ZNF536: variants seen among roughly 807,000 people sequenced by gnomAD.
ZNF536 encodes zinc finger protein 536.
A neutral mutation model predicts 84.5 loss-of-function variants in ZNF536; 13 were observed. The ratio of observed to expected loss-of-function variants is 0.15; its 90% confidence interval spans 0.10 to 0.24. ZNF536 has a LOEUF of 0.24. ZNF536 is among the 10% of genes least tolerant of loss of function. The probability of loss-of-function intolerance (pLI) is 1.00; values close to 1 mark genes in which losing one functional copy is unlikely to be tolerated. For missense variants in ZNF536, 1,536 were observed against 1,747.5 expected (o/e 0.88, Z 2.16); for synonymous variants, 811 against 742.5 (o/e 1.09, Z -1.50).
At chr19:30,263,693 A>C (rs760856851) in intron 1 of ZNF536, among the ~76,000 whole-genome samples, 10 of 152,186 alleles carry the variant, frequency 6.6e-5, no homozygotes, top group Non-Finnish European at 1.2e-4. Flanking sequence ...CTGTTGCAAG[A>C]AGAAGTTAAG....
intron 1 of ZNF536, among the ~76,000 whole-genome samples, chr19:30,229,353 A>G (rs1185791133): frequency 3.9e-5 from 6 of 152,158 alleles, no homozygotes; most frequent in Admixed American, 1.3e-4. Context: ...CTGCATTTAT[A>G]AAATACCAAC....
chr19:30,602,357 G>GA (rs1459929268), intron 1 of ZNF536, among the ~76,000 whole-genome samples: 1 of 152,172 alleles, frequency 6.6e-6, no homozygotes, highest in Non-Finnish European at 1.5e-5. Flanking sequence ...GATTATATGG[G>GA]AAAAAAGGCA....
chr19:30,692,378 G>A (rs1475285300), intron 1 of ZNF536, among the ~76,000 whole-genome samples: 1 of 152,186 alleles, frequency 6.6e-6, no homozygotes, highest in African/African-American at 2.4e-5. Context: ...GCAGGCAGAC[G>A]TAGGTGAAGC....
chr19:30,675,421 A>C (rs889865007), intron 1 of ZNF536, among the ~76,000 whole-genome samples: 3 of 152,174 alleles, frequency 2.0e-5, no homozygotes, highest in Non-Finnish European at 4.4e-5. Context: ...CAGGTGAAAG[A>C]CTGAAAGACT....
At chr19:30,383,674 TCCTTTCTTCCTTCCTTTCTTTTCTTTC>T (rs745741009) in intron 1 of ZNF536, among the ~76,000 whole-genome samples, 17,714 of 41,968 alleles carry the variant, frequency 0.42, 2,304 homozygotes, top group African/African-American at 0.49. Flanking sequence ...CTTTCTTTCT[TCCTTTCTTCCTTCCTTTCTTTTCTTTC>T]TCTTTCTTTC....
At position 30,445,532 on chromosome 19, in the gene ZNF536, G is replaced by T. The variant is rs556954524; in HGVS notation, c.1970G>T (p.Arg657Leu). The T allele has an allele frequency of 3.1e-6, 5 of 1,613,802 alleles. No individual in the cohort carries two copies. Among genetic ancestry groups the T allele is most frequent in the Admixed American group, 3.3e-5 (2 of 60,016 alleles). The change falls in exon 2 of 5, where the codon CGC (arginine) becomes CTC (leucine). Residue 657 changes from arginine to leucine, a missense_variant. Around this residue, in one of 8 missense-constraint regions of ZNF536, gnomAD observed 366 missense variants for 364.4 expected, o/e 1.00. Transcript: ENST00000355537. The surrounding 1 kb of genome is among the most constrained non-coding windows in gnomAD (Gnocchi z 4.5). ...VVHSRVHKRDRKGEEDGLHVG... is the reference protein window; with the variant it reads ...VVHSRVHKRDLKGEEDGLHVG... ...CACTCCCGTGTCCACAAGCGGGACC[G>T]CAAGGGCGAGGAGGATGGGCTGCAC...
chr19:30,369,163 A>C (rs1026460436), upstream of ZNF536, among the ~76,000 whole-genome samples: 1 of 152,226 alleles, frequency 6.6e-6, no homozygotes, highest in Non-Finnish European at 1.5e-5. Flanking sequence ...TATGTGATCT[A>C]TAATGAGTTT....
upstream of ZNF536, among the ~76,000 whole-genome samples, chr19:30,371,378 G>A (rs1474941424): frequency 6.6e-6 from 1 of 152,118 alleles, no homozygotes; most frequent in Non-Finnish European, 1.5e-5. Context: ...GCATTCTGTT[G>A]TGGCCGCAAC....
intron 1 of ZNF536, among the ~76,000 whole-genome samples, chr19:30,700,986 C>T (rs35315580): frequency 0.049 from 7,430 of 152,162 alleles, 240 homozygotes; most frequent in East Asian, 0.13. Context: ...GGAACTGATG[C>T]GGAGGCTGCT....
intron 2 of ZNF536, chr19:30,352,264 A>T (rs2047955644): frequency 6.6e-6 from 1 of 152,142 alleles, no homozygotes; most frequent in Non-Finnish European, 1.5e-5. Context: ...TTCATCTTTA[A>T]CCTTTTCCGT....
chr19:30,314,548 G>A (rs538593483), intron 2 of ZNF536, among the ~76,000 whole-genome samples: 1 of 152,240 alleles, frequency 6.6e-6, no homozygotes, highest in South Asian at 2.1e-4. Context: ...AGCCTTGTAG[G>A]CGCAGCACCA....
intron 1 of ZNF536, among the ~76,000 whole-genome samples, chr19:30,663,495 G>T (rs2050198229): frequency 6.6e-6 from 1 of 152,128 alleles, no homozygotes; most frequent in African/African-American, 2.4e-5. Flanking sequence ...ATTTACCTTA[G>T]AAATGAATAC....
intron 1 of ZNF536, among the ~76,000 whole-genome samples, chr19:30,409,499 G>A (rs2050396349): frequency 1.3e-5 from 2 of 152,288 alleles, no homozygotes; most frequent in East Asian, 1.9e-4. Context: ...GGCAATCTAG[G>A]TGTACTTTTA....
At chr19:30,368,789 G>T (rs2048519935), upstream of ZNF536, among the ~76,000 whole-genome samples, 1 of 152,200 alleles carries the variant, frequency 6.6e-6, no homozygotes, top group Non-Finnish European at 1.5e-5. Flanking sequence ...ATCTCACCGG[G>T]TCCAAGGGAG....
At chr19:30,383,108 G>T (rs1467086502) in intron 1 of ZNF536, among the ~76,000 whole-genome samples, 2 of 152,150 alleles carry the variant, frequency 1.3e-5, no homozygotes, top group Non-Finnish European at 2.9e-5. Flanking sequence ...TGGTTAACAT[G>T]GTGAAACCCA....
At chr19:30,544,703 C>CA (rs1568535598) in intron 3 of ZNF536, among the ~76,000 whole-genome samples, 1 of 152,100 alleles carries the variant, frequency 6.6e-6, no homozygotes. Context: ...TTCACTCCAT[C>CA]AAAAAAATGT....
intron 1 of ZNF536, among the ~76,000 whole-genome samples, chr19:30,574,075 C>A (rs1401277410): frequency 6.6e-6 from 1 of 152,154 alleles, no homozygotes; most frequent in Non-Finnish European, 1.5e-5. Flanking sequence ...GCATTGCATA[C>A]CATTCTGGGA....
intron 1 of ZNF536, among the ~76,000 whole-genome samples, chr19:30,245,368 C>A (rs924204122): frequency 2.0e-5 from 3 of 152,240 alleles, no homozygotes; most frequent in Admixed American, 2.0e-4. Flanking sequence ...CAGGACTAGA[C>A]TCCCCAAAGC....
chr19:30,240,958 G>C (rs1347118587), intron 1 of ZNF536, among the ~76,000 whole-genome samples: 1 of 152,200 alleles, frequency 6.6e-6, no homozygotes, highest in Admixed American at 6.5e-5. Flanking sequence ...ACATAACAGT[G>C]AACAAACCGA....
Sources: allele counts gnomAD v4.1 joint callset (sites outside exome capture counted in the v4.1 genomes callset), GRCh38; gene constraint gnomAD v4.1.1; regional missense constraint gnomAD v4.1.1; non-coding constraint Gnocchi (gnomAD v3.1); transcripts MANE v1.5; gene names NCBI Gene and HGNC (gene_info 2026-07-23, HGNC 2026-07-21).